TMEM117: variants seen among roughly 807,000 people sequenced by gnomAD.
TMEM117 encodes the protein transmembrane protein 117.
Under a neutral mutation model 52.4 loss-of-function variants are expected in TMEM117, and 27 were observed. The observed-to-expected ratio is 0.51, with a 90% CI of 0.38 to 0.71. The LOEUF is 0.71. Ranked by LOEUF, TMEM117 falls within the 30% of genes least tolerant of loss-of-function variation. TMEM117 has a pLI of 0.00. For missense variants in TMEM117, 556 were observed against 630.5 expected (o/e 0.88, Z 1.26); for synonymous variants, 215 against 206.3 (o/e 1.04, Z -0.36).
At chr12:44,374,907 T>G (rs769131725) in intron 6 of TMEM117, among the ~76,000 whole-genome samples, 8 of 152,164 alleles carry the variant, frequency 5.3e-5, no homozygotes, top group Non-Finnish European at 1.0e-4. Flanking sequence ...CTTCGTGTCA[T>G]TTATGCAGGG....
chr12:44,232,146 A>T (rs1949941328), intron 5 of TMEM117, among the ~76,000 whole-genome samples: 1 of 151,542 alleles, frequency 6.6e-6, no homozygotes, highest in Admixed American at 6.6e-5. Context: ...ATGATTTCTT[A>T]ATTATAATAT....
chr12:44,326,014 T>C (rs1951190566), intron 6 of TMEM117, among the ~76,000 whole-genome samples: 1 of 151,962 alleles, frequency 6.6e-6, no homozygotes, highest in Non-Finnish European at 1.5e-5. Context: ...AATACAAAAA[T>C]TAGCCAAGTG....
chr12:44,392,695 C>A (rs1206534143), downstream of TMEM117, among the ~76,000 whole-genome samples: 1 of 144,790 alleles, frequency 6.9e-6, no homozygotes, highest in East Asian at 2.2e-4. Context: ...CACGACAGGC[C>A]CCGGGGTGTG....
At chr12:44,086,624 G>T (rs940883746) in intron 3 of TMEM117, among the ~76,000 whole-genome samples, 20 of 152,138 alleles carry the variant, frequency 1.3e-4, no homozygotes, top group African/African-American at 4.6e-4. Flanking sequence ...ATCCAGACCT[G>T]CTTTGCTTTC....
chr12:44,139,623 A>G (rs1449605350), intron 3 of TMEM117, among the ~76,000 whole-genome samples: 1 of 152,142 alleles, frequency 6.6e-6, no homozygotes, highest in Non-Finnish European at 1.5e-5. Flanking sequence ...GAAGGCTGGT[A>G]GAACTGCAAG....
chr12:44,009,542 CTT>C lies in TMEM117; in HGVS notation c.410+65202_410+65203del, dbSNP rs1946256231. 1.3e-5 allele frequency: 3 copies of C among 222,360 alleles called. No homozygotes were observed. The East Asian group carries it at 3.6e-4, about 27-fold the overall frequency. 13.8% of individuals were successfully genotyped at this position (222,360 alleles called of 1,614,324 possible). ...TAAAACCTGTTGAGCATACAAGACTCTTTCATATACAGGCTGGGTTTCTTTGT... is the reference window on the plus strand; with the variant it reads ...TAAAACCTGTTGAGCATACAAGACTCTCATATACAGGCTGGGTTTCTTTGT... On this transcript the variant is annotated intron_variant, in intron 3 of 7. Coordinates refer to ENST00000266534, the MANE Select transcript of TMEM117 (RefSeq NM_032256.3).
intron 3 of TMEM117, among the ~76,000 whole-genome samples, chr12:44,095,760 A>G (rs1362860482): frequency 6.6e-6 from 1 of 152,166 alleles, no homozygotes; most frequent in Admixed American, 6.6e-5. Flanking sequence ...CCAGTTAGAA[A>G]TACTGAATGG....
At chr12:44,332,159 G>A (rs987555390) in intron 6 of TMEM117, among the ~76,000 whole-genome samples, 7 of 151,956 alleles carry the variant, frequency 4.6e-5, no homozygotes, top group African/African-American at 1.7e-4. Flanking sequence ...TGGCACACTG[G>A]CTATATTTAA....
intron 2 of TMEM117, among the ~76,000 whole-genome samples, chr12:43,897,312 CTTT>C (rs11312930): frequency 1.1e-4 from 11 of 101,952 alleles, no homozygotes; most frequent in Admixed American, 2.0e-4. Flanking sequence ...TGTAACCATT[CTTT>C]TTTTTTTTTT....
the TMEM117 span, chr12:43,804,501 C>G: frequency 6.3e-7 from 1 of 1,584,230 alleles, no homozygotes; most frequent in Non-Finnish European, 8.6e-7. Flanking sequence ...TAACCATTTT[C>G]AATAGATATT....
chr12:44,124,466 A>C (rs777724069), intron 3 of TMEM117, among the ~76,000 whole-genome samples: 10 of 152,142 alleles, frequency 6.6e-5, no homozygotes, highest in Non-Finnish European at 1.5e-4. Context: ...AGAGAGGGCA[A>C]CCTTGTCTTG....
chr12:44,233,479 C>CT (rs914329192), intron 5 of TMEM117, among the ~76,000 whole-genome samples: 1 of 151,066 alleles, frequency 6.6e-6, no homozygotes, highest in African/African-American at 2.4e-5. Context: ...GAAGCTGTTT[C>CT]TTCTCTAGTT....
chr12:43,972,328 C>A (rs928599818), intron 3 of TMEM117, among the ~76,000 whole-genome samples: 1 of 152,142 alleles, frequency 6.6e-6, no homozygotes, highest in African/African-American at 2.4e-5. Context: ...TGGTTCCTTC[C>A]GGTGGGTTCT....
At chr12:43,877,103 G>A (rs541076764) in intron 2 of TMEM117, among the ~76,000 whole-genome samples, 1 of 152,088 alleles carries the variant, frequency 6.6e-6, no homozygotes, top group South Asian at 2.1e-4. Flanking sequence ...TATAAACAGA[G>A]CTTCAAAGAA....
At chr12:43,885,477 AAAAC>A (rs1210651998) in intron 2 of TMEM117, among the ~76,000 whole-genome samples, 1 of 148,576 alleles carries the variant, frequency 6.7e-6, no homozygotes, top group Non-Finnish European at 1.5e-5. Context: ...TTTTTTTAAA[AAAAC>A]AAATGTGAAT....
At chr12:44,252,409 C>T (rs1442905197) in intron 5 of TMEM117, among the ~76,000 whole-genome samples, 2 of 152,126 alleles carry the variant, frequency 1.3e-5, no homozygotes, top group African/African-American at 4.8e-5. Flanking sequence ...GAGGCTGAGG[C>T]AGGAGAATCG....
intron 5 of TMEM117, among the ~76,000 whole-genome samples, chr12:44,266,047 C>T (rs1172506635): frequency 6.6e-6 from 1 of 152,140 alleles, no homozygotes; most frequent in Non-Finnish European, 1.5e-5. Flanking sequence ...AGCAATAATG[C>T]TGCTATGAAC....
rs755249971 is a variant in TMEM117 at position 44,388,463 on chromosome 12, A to G, written c.1336A>G (p.Met446Val). Residue 446 changes from methionine to valine, a missense_variant, in exon 8 of 8, where the codon ATG becomes GTG. Physicochemically the swap from Met to Val is conservative, Grantham distance 21 (BLOSUM62 1). Transcript: ENST00000266534. The stretch of plus-strand genomic sequence containing the variant: ...ATCTCCATCAGAACATAGCAAAGAC[A>G]TGGGAATCACTCGAGAAAACACCCA... The part of the protein sequence containing the change: ...RKSPSEHSKD[M>V]GITRENTQAS... 7 of 1,613,316 alleles carry G rather than the reference A, an allele frequency of 4.3e-6. No individual in the cohort carries two copies. The highest frequency in any genetic ancestry group is 3.3e-5 in the South Asian group (3 of 91,078).
At chr12:44,145,893 A>C (rs550211680) in intron 4 of TMEM117, among the ~76,000 whole-genome samples, 4 of 152,320 alleles carry the variant, frequency 2.6e-5, no homozygotes, top group Admixed American at 6.5e-5. Context: ...TATTACATAA[A>C]TCATTTTCTT....
Sources: gnomAD v4.1 joint callset for allele counts (sites outside exome capture counted in the v4.1 genomes callset) on GRCh38, gnomAD v4.1.1 for gene constraint, MANE v1.5 for transcripts, NCBI Gene and HGNC (gene_info 2026-07-23, HGNC 2026-07-21) for gene names.